ERC2: variants seen among roughly 807,000 people sequenced by gnomAD.
ERC2 encodes the protein ELKS/RAB6-interacting/CAST family member 2, also known as ERC protein 2.
ERC2 carries 42 observed loss-of-function variants against 114.8 expected under a neutral mutation model. The observed-to-expected ratio is 0.37, with a 90% CI of 0.29 to 0.47. The LOEUF is 0.47. Among genes scored for constraint, ERC2 ranks in the 20% least tolerant of loss-of-function variants. ERC2 has a pLI of 0.99. For synonymous variants in ERC2, 454 were observed against 425.5 expected, an observed-to-expected ratio of 1.07 and a Z score of -0.82; for missense variants, 939 against 1,150.7, an observed-to-expected ratio of 0.82 and a Z score of 2.66.
At chr3:55,856,538 A>G (rs1032597689) in intron 14 of ERC2, among the ~76,000 whole-genome samples, 3 of 147,316 alleles carry the variant, frequency 2.0e-5, no homozygotes, top group South Asian at 2.1e-4. Flanking sequence ...ACACATATAC[A>G]CATATATGTA....
chr3:55,701,465 T>C (rs2063220374), intron 15 of ERC2, among the ~76,000 whole-genome samples: 1 of 152,180 alleles, frequency 6.6e-6, no homozygotes, highest in South Asian at 2.1e-4. Context: ...ATCCCAATTC[T>C]ATCTGCCAGA....
chr3:56,112,719 G>A (rs1355083788), intron 6 of ERC2, among the ~76,000 whole-genome samples: 1 of 152,000 alleles, frequency 6.6e-6, no homozygotes, highest in Non-Finnish European at 1.5e-5. Context: ...AAACCAGGAG[G>A]GATGGTTACA....
intron 3 of ERC2, among the ~76,000 whole-genome samples, chr3:56,238,181 G>C (rs1055623378): frequency 1.3e-5 from 2 of 152,176 alleles, no homozygotes; most frequent in African/African-American, 2.4e-5. Flanking sequence ...TAAGCCAATG[G>C]GAGGGACTCA....
intron 17 of ERC2, among the ~76,000 whole-genome samples, chr3:55,630,399 C>T (rs1052308061): frequency 5.9e-5 from 9 of 152,158 alleles, no homozygotes; most frequent in Non-Finnish European, 1.3e-4. Context: ...GAACTCCCAA[C>T]CTCAGGTGAT....
At chr3:56,134,973 G>A (rs2149900083) in intron 6 of ERC2, among the ~76,000 whole-genome samples, 1 of 150,728 alleles carries the variant, frequency 6.6e-6, no homozygotes, top group South Asian at 2.1e-4. Context: ...TTTAGATGGA[G>A]TCTCGCTCTG....
chr3:55,524,289 T>C (rs1439539763), intron 17 of ERC2, among the ~76,000 whole-genome samples: 1 of 152,192 alleles, frequency 6.6e-6, no homozygotes, highest in Non-Finnish European at 1.5e-5. Flanking sequence ...CTTGGTCATC[T>C]TCATGAAAAG....
At position 55,998,228 on chromosome 3, in the gene ERC2, GTCTC is replaced by G. The variant is rs920749582; in HGVS notation, c.2062-5982_2062-5979del. 4.5e-4 allele frequency among the ~76,000 whole-genome samples: 69 copies of G among 151,772 alleles called. 1 individual carries two copies. The South Asian group carries it at 7.3e-3, about 16-fold the overall frequency. ...AATAAATATAAATAAATATTCTTAT[GTCTC>G]TCTCTCTTTCTCTCTCTCTCACACA... On this transcript the variant is annotated intron_variant, in intron 10 of 17. Coordinates refer to ENST00000288221, the MANE Select transcript of ERC2 (RefSeq NM_015576.3).
chr3:56,024,335 G>A (rs532047573), intron 7 of ERC2, among the ~76,000 whole-genome samples: 12 of 152,222 alleles, frequency 7.9e-5, no homozygotes, highest in African/African-American at 2.2e-4. Flanking sequence ...TGTCCCACTC[G>A]TTCTCTTTGG....
chr3:55,530,725 T>G (rs2053613023), intron 17 of ERC2, among the ~76,000 whole-genome samples: 1 of 152,058 alleles, frequency 6.6e-6, no homozygotes, highest in Admixed American at 6.6e-5. Flanking sequence ...AAGGAAGAAA[T>G]GGTTGGAAAT....
chr3:55,877,719 C>A (rs1575981162), intron 14 of ERC2, among the ~76,000 whole-genome samples: 1 of 151,742 alleles, frequency 6.6e-6, no homozygotes, highest in East Asian at 1.9e-4. Flanking sequence ...TGCCATATTG[C>A]CCATGCTGGT....
chr3:55,685,317 A>G (rs2062270268), intron 16 of ERC2, among the ~76,000 whole-genome samples: 1 of 152,208 alleles, frequency 6.6e-6, no homozygotes, highest in Non-Finnish European at 1.5e-5. Flanking sequence ...TTTTCACTTG[A>G]CAGCTTAGGT....
intron 14 of ERC2, among the ~76,000 whole-genome samples, chr3:55,778,257 A>G (rs2068768642): frequency 1.3e-5 from 2 of 152,242 alleles, no homozygotes; most frequent in African/African-American, 4.8e-5. Flanking sequence ...TGGAGAAATC[A>G]GGTTCTCTGG....
chr3:56,230,683 A>G (rs1253020011), intron 3 of ERC2, among the ~76,000 whole-genome samples: 1 of 152,258 alleles, frequency 6.6e-6, no homozygotes, highest in Non-Finnish European at 1.5e-5. Context: ...AGAATTATGT[A>G]TGTAAGAAAA....
intron 13 of ERC2, among the ~76,000 whole-genome samples, chr3:55,890,453 A>T (rs935463789): frequency 6.6e-6 from 1 of 152,164 alleles, no homozygotes; most frequent in African/African-American, 2.4e-5. Context: ...TCATTTGTTC[A>T]ATCTCTCTCT....
intron 14 of ERC2, among the ~76,000 whole-genome samples, chr3:55,831,904 A>G (rs568332253): frequency 6.6e-6 from 1 of 152,348 alleles, no homozygotes; most frequent in South Asian, 2.1e-4. Context: ...TCCCACCCGA[A>G]TACTGTGCTT....
intron 17 of ERC2, among the ~76,000 whole-genome samples, chr3:55,529,114 G>C (rs1356511193): frequency 6.6e-6 from 1 of 152,150 alleles, no homozygotes; most frequent in Non-Finnish European, 1.5e-5. Context: ...CCAGGCCATA[G>C]CCCTGGGATT....
At chr3:56,019,141 G>C in intron 7 of ERC2, 110 bp from the exon 8 acceptor site, 1 of 819,272 alleles carries the variant, frequency 1.2e-6, no homozygotes, top group Non-Finnish European at 1.9e-6. Context: ...TGAAATGATA[G>C]AAATTGTCAG....
intron 3 of ERC2, among the ~76,000 whole-genome samples, chr3:56,221,508 T>C (rs1243160792): frequency 1.3e-5 from 2 of 152,080 alleles, no homozygotes; most frequent in African/African-American, 4.8e-5. Flanking sequence ...CAACCTCCTA[T>C]AGAAGAGAAC....
intron 13 of ERC2, among the ~76,000 whole-genome samples, chr3:55,907,753 T>C (rs62253672): frequency 0.07 from 10,637 of 152,302 alleles, 527 homozygotes; most frequent in Middle Eastern, 0.15. Flanking sequence ...GGCTTCTGCA[T>C]TTGTAGATTG....
Sources: allele counts gnomAD v4.1 joint callset (sites outside exome capture counted in the v4.1 genomes callset), GRCh38; gene constraint gnomAD v4.1.1; transcripts MANE v1.5; gene names NCBI Gene and HGNC (gene_info 2026-07-23, HGNC 2026-07-21).